Variants in SLC5A3 observed in about 807,000 individuals in gnomAD.
The protein encoded by SLC5A3 is sodium/myo-inositol cotransporter.
A neutral mutation model predicts 43.2 loss-of-function variants in SLC5A3; 10 were observed. The observed-to-expected ratio is 0.23, with a 90% confidence interval of 0.14 to 0.39. The LOEUF (loss-of-function observed/expected upper bound fraction) is 0.39, where lower values mean the gene tolerates loss of function less well. Ranked by LOEUF, SLC5A3 falls within the 10% of genes least tolerant of loss-of-function variation. The pLI is 1.00. For synonymous variants in SLC5A3, 349 were observed against 322.0 expected (o/e 1.08, Z -0.90); for missense variants, 608 against 893.4 (o/e 0.68, Z 4.07).
intron 1 of SLC5A3, among the ~76,000 whole-genome samples, chr21:34,081,687 G>A (rs1488499900): frequency 6.6e-6 from 1 of 152,128 alleles, no homozygotes; most frequent in East Asian, 1.9e-4. Flanking sequence ...ATTTGGGAGG[G>A]TATTTGAAGA....
chr21:34,079,505 G>A (rs1442727383), intron 1 of SLC5A3, among the ~76,000 whole-genome samples: 4 of 151,244 alleles, frequency 2.6e-5, no homozygotes, highest in African/African-American at 7.3e-5. Flanking sequence ...GCACGATCTC[G>A]GCTCACTGCA....
rs991001911 is a variant in SLC5A3 at position 34,100,619 on chromosome 21, T to C, written c.*3264T>C. 1 of 1,000,162 alleles carries C rather than the reference T, an allele frequency of 1.0e-6. No homozygotes were observed. The highest frequency in any genetic ancestry group is 1.2e-6 in the Non-Finnish European group (1 of 829,952). 62.0% of individuals were successfully genotyped at this position (1,000,162 alleles called of 1,614,324 possible). The stretch of plus-strand genomic sequence containing the variant: ...CTCTTAGGGATGATACCTCAAGAAA[T>C]TAGCTGGGACCCATCACTCTGTGAA... On this transcript the variant is annotated 3_prime_UTR_variant, in exon 2 of 2. Transcript: ENST00000381151.
chr21:34,079,898 T>C (rs958237768), intron 1 of SLC5A3, among the ~76,000 whole-genome samples: 3 of 152,206 alleles, frequency 2.0e-5, no homozygotes, highest in African/African-American at 7.2e-5. Flanking sequence ...ATGTGTTGCC[T>C]ATCCCCAAAG....
rs1030620659 is a variant in SLC5A3, at chr21:34,100,074, T to C, written c.*2719T>C. 2.0e-6 allele frequency: 2 copies of C among 996,880 alleles called. No individual in the cohort carries two copies. Among genetic ancestry groups the C allele is most frequent in the African/African-American group, 3.5e-5 (2 of 57,154 alleles). The allele number at this position is 996,880 out of a possible 1,614,324, so 61.8% of individuals were successfully genotyped here. A position where few individuals can be genotyped will look rare whatever the true frequency, so the allele number is the denominator to read the frequency against. On this transcript the variant is annotated 3_prime_UTR_variant, in exon 2 of 2. Coordinates refer to ENST00000381151, the MANE Select transcript of SLC5A3 (RefSeq NM_006933.7). The stretch of plus-strand genomic sequence containing the variant: ...TGACATTGGTCTTTAGACATTAACA[T>C]GTGTATATTTTTATATTAGCTCAAG...
chr21:34,091,746 A>G (rs1978705470), intron 1 of SLC5A3, among the ~76,000 whole-genome samples: 1 of 152,186 alleles, frequency 6.6e-6, no homozygotes, highest in African/African-American at 2.4e-5. Flanking sequence ...AAGAAGGGGA[A>G]TCTGCTCTGT....
At position 34,073,741 on chromosome 21, in the gene SLC5A3, A is replaced by G. The variant is rs1195892681; in HGVS notation, c.-341A>G. On this transcript the variant is annotated 5_prime_UTR_variant, in exon 1 of 2. Coordinates refer to ENST00000381151, the MANE Select transcript of SLC5A3 (RefSeq NM_006933.7). ...CTGGCTTTAATCCTGAAAGCCATGC[A>G]GCGGGTAAGTGACCTTCCCTCAGAG... 4 of 1,526,372 alleles carry G rather than the reference A, an allele frequency of 2.6e-6. No homozygotes were observed. The South Asian group carries it at 3.5e-5, about 13-fold the overall frequency. 94.6% of individuals were successfully genotyped at this position (1,526,372 alleles called of 1,614,324 possible).
chr21:34,088,738 T>C (rs1978526430), intron 1 of SLC5A3, among the ~76,000 whole-genome samples: 1 of 152,216 alleles, frequency 6.6e-6, no homozygotes, highest in African/African-American at 2.4e-5. Flanking sequence ...TACTACCTCA[T>C]GGCTTCAGTT....
At position 34,095,259 on chromosome 21, in the gene SLC5A3, A is replaced by T. The variant is rs1978911679; in HGVS notation, c.61A>T (p.Met21Leu). 1 of 1,614,122 alleles carries T rather than the reference A, an allele frequency of 6.2e-7. No individual in the cohort carries two copies. The highest frequency in any genetic ancestry group is 8.5e-7 in the Non-Finnish European group (1 of 1,179,978). ...AGTGGCCCTGTATTTTATCCTGGTC[A>T]TGTGCATTGGTTTTTTTGCCATGTG... is the stretch of plus-strand genomic sequence containing the variant. ...AIVALYFILV[M>L]CIGFFAMWKS... The change falls in exon 2 of 2, where the codon ATG becomes TTG. Residue 21 changes from methionine (M) to leucine (L), a missense_variant. This residue lies in a region of SLC5A3 where 398 missense variants were observed against 668.6 expected (regional missense o/e 0.60). Coordinates refer to ENST00000381151, the MANE Select transcript of SLC5A3 (RefSeq NM_006933.7).
At chr21:34,074,195 C>CCCGCCGGCTG (rs1569410610) in intron 1 of SLC5A3, among the ~76,000 whole-genome samples, 1 of 150,332 alleles carries the variant, frequency 6.7e-6, no homozygotes, top group Non-Finnish European at 1.5e-5. Context: ...CGCTCCGCCG[C>CCCGCCGGCTG]CCGCCGGCTG....
Position 34,096,585 on chromosome 21 carries a change from A to G in SLC5A3, c.1387A>G (p.Lys463Glu). 1 of 1,614,094 alleles carries G rather than the reference A, an allele frequency of 6.2e-7. No homozygotes were observed. Among genetic ancestry groups the G allele is most frequent in the East Asian group, 2.2e-5 (1 of 44,876 alleles). Residue 463 changes from lysine to glutamate, a missense_variant, in exon 2 of 2, where the codon AAG becomes GAG. Coordinates refer to ENST00000381151, the MANE Select transcript of SLC5A3 (RefSeq NM_006933.7). The surrounding 1 kb of genome is among the most constrained non-coding windows in gnomAD (Gnocchi z 5.9). Reference protein sequence around the residue: ...AALFLLAIFWKRCNEQGAFYG... With the variant: ...AALFLLAIFWERCNEQGAFYG... ...CTTGTTCCTGCTGGCAATTTTCTGGAAGCGCTGCAATGAACAAGGGGCTTT... is the reference window on the plus strand; with the variant it reads ...CTTGTTCCTGCTGGCAATTTTCTGGGAGCGCTGCAATGAACAAGGGGCTTT...
chr21:34,084,591 CAT>C (rs1194802982), intron 1 of SLC5A3, among the ~76,000 whole-genome samples: 2 of 152,132 alleles, frequency 1.3e-5, no homozygotes, highest in Admixed American at 6.5e-5. Context: ...TACACACACA[CAT>C]ATGTACAATT....
intron 1 of SLC5A3, among the ~76,000 whole-genome samples, chr21:34,088,277 C>G (rs112710675): frequency 0.012 from 1,753 of 152,266 alleles, 38 homozygotes; most frequent in South Asian, 0.081. Flanking sequence ...GGTGGAATGA[C>G]TAATTAACAC....
rs146501421 is a variant in SLC5A3 at position 34,096,269 on chromosome 21, G to T, written c.1071G>T (p.Lys357Asn). The change falls in exon 2 of 2, where the codon AAG becomes AAT. Residue 357 changes from lysine to asparagine, a missense_variant. Around this residue, in one of 2 missense-constraint regions of SLC5A3, gnomAD observed 398 missense variants for 668.6 expected, o/e 0.60. Transcript: ENST00000381151. This position sits in a 1 kb window ranked among gnomAD's most constrained non-coding sequence, Gnocchi z 5.9. ...SNIAYPRLVMKLVPVGLRGLM... is the reference protein window; with the variant it reads ...SNIAYPRLVMNLVPVGLRGLM... ...TTGCTTACCCACGCCTGGTGATGAA[G>T]CTGGTTCCTGTGGGCCTTCGGGGTT... 152 of 1,614,152 alleles carry T rather than the reference G, an allele frequency of 9.4e-5. No homozygotes were observed. The East Asian group carries it at 2.4e-3, about 26-fold the overall frequency.
chr21:34,082,917 G>A (rs1989491880), intron 1 of SLC5A3, among the ~76,000 whole-genome samples: 1 of 152,112 alleles, frequency 6.6e-6, no homozygotes. Flanking sequence ...TCCACTTTGG[G>A]CATACCTCAG....
rs1445941303 is a variant in SLC5A3, at chr21:34,102,475, A to G, written c.*5120A>G. ...TATCCAGTAACCAACAACCCTAACC[A>G]TTGGCATATATAGTCTTTCACTCAG... On this transcript the variant is annotated 3_prime_UTR_variant, in exon 2 of 2. Transcript: ENST00000381151. The G allele has an allele frequency of 1.0e-6, 1 of 1,000,066 alleles. No individual in the cohort carries two copies. The highest frequency in any genetic ancestry group is 1.7e-5 in the African/African-American group (1 of 57,222). 61.9% of individuals were successfully genotyped at this position (1,000,066 alleles called of 1,614,324 possible). A position where few individuals can be genotyped will look rare whatever the true frequency, so the allele number is the denominator to read the frequency against.
rs1419696028 is a variant in SLC5A3 at position 34,073,692 on chromosome 21, C to T, written c.-390C>T. 1.3e-6 allele frequency: 2 copies of T among 1,520,134 alleles called. No individual in the cohort carries two copies. The highest frequency in any genetic ancestry group is 1.8e-5 in the Admixed American group (1 of 54,118). 94.2% of individuals were successfully genotyped at this position (1,520,134 alleles called of 1,614,324 possible). A position where few individuals can be genotyped will look rare whatever the true frequency, so the allele number is the denominator to read the frequency against. ...TGGCTTCCGAGCCGCACTCGCCGAT[C>T]CTCCAGGCATGCCCCGCTACGAGCT... On this transcript the variant is annotated 5_prime_UTR_variant, in exon 1 of 2. Coordinates refer to ENST00000381151, the MANE Select transcript of SLC5A3 (RefSeq NM_006933.7).
At position 34,073,655 on chromosome 21, in the gene SLC5A3, C is replaced by G. The variant is rs747133906; in HGVS notation, c.-427C>G. ...CCCCGCCGTCCCGCCCCTTCGCGTC[C>G]CGGGAACCGGCTGGCTTCCGAGCCG... On this transcript the variant is annotated 5_prime_UTR_variant, in exon 1 of 2. Coordinates refer to ENST00000381151, the MANE Select transcript of SLC5A3 (RefSeq NM_006933.7). 6.6e-7 allele frequency: 1 copy of G among 1,506,454 alleles called. No homozygotes were observed. The highest frequency in any genetic ancestry group is 9.0e-7 in the Non-Finnish European group (1 of 1,116,588). 93.3% of individuals were successfully genotyped at this position (1,506,454 alleles called of 1,614,324 possible).
intron 1 of SLC5A3, among the ~76,000 whole-genome samples, chr21:34,088,294 A>G (rs1978500573): frequency 6.6e-6 from 1 of 152,240 alleles, no homozygotes; most frequent in African/African-American, 2.4e-5. Context: ...ACACTGATAA[A>G]AAGAATGAAG....
chr21:34,103,479 G>T lies in SLC5A3; in HGVS notation c.*6124G>T. 1.0e-6 allele frequency: 1 copy of T among 998,760 alleles called. No individual in the cohort carries two copies. The highest frequency in any genetic ancestry group is 1.2e-6 in the Non-Finnish European group (1 of 828,714). 61.9% of individuals were successfully genotyped at this position (998,760 alleles called of 1,614,324 possible). On this transcript the variant is annotated 3_prime_UTR_variant, in exon 2 of 2. Transcript: ENST00000381151. Reference sequence around the variant, plus strand: ...ACTTATGTTCTGTGATCTTAATTTTGTTGTGTTTCCATTGTAGGTTGATAG... The same window carrying T: ...ACTTATGTTCTGTGATCTTAATTTTTTTGTGTTTCCATTGTAGGTTGATAG...
Sources: gnomAD v4.1 joint callset for allele counts (sites outside exome capture counted in the v4.1 genomes callset) on GRCh38, gnomAD v4.1.1 for gene constraint, gnomAD v4.1.1 regional missense constraint, Gnocchi (gnomAD v3.1) non-coding constraint, MANE v1.5 for transcripts, NCBI Gene and HGNC (gene_info 2026-07-23, HGNC 2026-07-21) for gene names.